FGF14: variants seen among roughly 807,000 people sequenced by gnomAD.
FGF14 encodes fibroblast growth factor 14, also known as fibroblast growth factor homologous factor 4.
In FGF14, 5 loss-of-function variants were observed where a neutral mutation model predicts 25.5. The observed-to-expected ratio is 0.20, with a 90% CI of 0.10 to 0.41. FGF14 has a LOEUF of 0.41. Among genes scored for constraint, FGF14 ranks in the 10% least tolerant of loss-of-function variants. FGF14 has a pLI of 1.00. For missense variants in FGF14, 222 were observed against 320.1 expected (o/e 0.69, Z 2.34); for synonymous variants, 138 against 118.3 (o/e 1.17, Z -1.08).
intron 1 of FGF14, among the ~76,000 whole-genome samples, chr13:102,318,847 T>C (rs910665763): frequency 1.3e-5 from 2 of 152,162 alleles, no homozygotes; most frequent in Non-Finnish European, 2.9e-5. Flanking sequence ...TACCTGTAGA[T>C]CATCTGAGAC....
intron 3 of FGF14, among the ~76,000 whole-genome samples, chr13:101,832,363 G>A (rs998670722): frequency 6.6e-6 from 1 of 152,194 alleles, no homozygotes. Context: ...AGTGTCTGCT[G>A]TTTTAAGCCA....
At chr13:101,886,825 A>T (rs1375893119) in intron 1 of FGF14, among the ~76,000 whole-genome samples, 1 of 152,202 alleles carries the variant, frequency 6.6e-6, no homozygotes, top group African/African-American at 2.4e-5. Flanking sequence ...AGAATATATA[A>T]GAAACTTGAA....
chr13:101,788,965 G>GC (rs1167975384), intron 3 of FGF14, among the ~76,000 whole-genome samples: 1 of 80,606 alleles, frequency 1.2e-5, no homozygotes, highest in Non-Finnish European at 2.8e-5. Flanking sequence ...GAGAGAGAGA[G>GC]AGAGACAGAG....
At chr13:102,130,742 T>A (rs1377824886) in intron 1 of FGF14, among the ~76,000 whole-genome samples, 1 of 152,098 alleles carries the variant, frequency 6.6e-6, no homozygotes, top group Non-Finnish European at 1.5e-5. Context: ...AAACATCACA[T>A]CCACCTGTCT....
chr13:101,745,806 G>T (rs1050912699), intron 3 of FGF14, among the ~76,000 whole-genome samples: 2 of 151,940 alleles, frequency 1.3e-5, no homozygotes, highest in Admixed American at 1.3e-4. Flanking sequence ...GAGTGTAGGT[G>T]GGTTTCATGG....
chr13:102,007,218 G>A (rs998991261), intron 1 of FGF14, among the ~76,000 whole-genome samples: 2 of 152,186 alleles, frequency 1.3e-5, no homozygotes, highest in African/African-American at 4.8e-5. Context: ...AAAAGGAAAG[G>A]AAGTAGTTGT....
At position 102,102,281 on chromosome 13, in the gene FGF14, A is replaced by G. The variant is rs1346504067; in HGVS notation, c.209-226985T>C. 3.9e-5 allele frequency among the ~76,000 whole-genome samples: 6 copies of G among 152,234 alleles called. No homozygotes were observed. The East Asian group carries it at 1.2e-3, about 29-fold the overall frequency. ...GGCAGTTTCTTGTCGAAAGTCACCA[A>G]GAAATCATGAGTTTAGAAGTGGGTT... is the stretch of plus-strand genomic sequence containing the variant. On this transcript the variant is annotated intron_variant, in intron 1 of 4. Coordinates refer to the FGF14 transcript ENST00000376131.
At chr13:102,152,311 T>C (rs956503182) in intron 1 of FGF14, among the ~76,000 whole-genome samples, 5 of 152,164 alleles carry the variant, frequency 3.3e-5, no homozygotes, top group African/African-American at 1.2e-4. Context: ...GTACCACAGA[T>C]TGGGTTGCTT....
At chr13:101,859,672 C>T (rs984506971) in intron 3 of FGF14, among the ~76,000 whole-genome samples, 4 of 151,960 alleles carry the variant, frequency 2.6e-5, no homozygotes, top group East Asian at 1.9e-4. Context: ...TTAAGTAGGT[C>T]GTATGGTTTT....
intron 1 of FGF14, among the ~76,000 whole-genome samples, chr13:102,055,326 T>A (rs2042382041): frequency 6.6e-6 from 1 of 152,238 alleles, no homozygotes; most frequent in Non-Finnish European, 1.5e-5. Context: ...ATGACTCAAA[T>A]AAATTTCATC....
chr13:101,767,776 G>A (rs946218409), intron 3 of FGF14, among the ~76,000 whole-genome samples: 1 of 151,980 alleles, frequency 6.6e-6, no homozygotes, highest in African/African-American at 2.4e-5. Flanking sequence ...TACCCTGTTG[G>A]GACAAAGCTC....
intron 1 of FGF14, among the ~76,000 whole-genome samples, chr13:102,011,269 C>T (rs1313699523): frequency 6.6e-6 from 1 of 152,168 alleles, no homozygotes; most frequent in African/African-American, 2.4e-5. Context: ...TCTCCTGGAG[C>T]TTCCAACAAA....
chr13:101,728,199 G>A (rs993118546), intron 3 of FGF14, among the ~76,000 whole-genome samples: 1 of 152,124 alleles, frequency 6.6e-6, no homozygotes, highest in Non-Finnish European at 1.5e-5. Context: ...AGAGCTAATA[G>A]TTTTCCAAGG....
rs556364264 is a variant in FGF14 at position 102,023,936 on chromosome 13, T to C, written c.209-148640A>G. ...AAGAATGTTGAAGGGAGAATAGTTG[T>C]GGTCCCACACCAAGATATTTTAATG... is the stretch of plus-strand genomic sequence containing the variant. On this transcript the variant is annotated intron_variant, in intron 1 of 4. Coordinates refer to the FGF14 transcript ENST00000376131. Among the ~76,000 whole-genome samples the C allele has an allele frequency of 2.0e-5, 3 of 152,184 alleles. No individual in the cohort carries two copies. In the South Asian group the frequency reaches 6.2e-4, roughly 32 times the overall value.
chr13:102,343,880 C>G (rs2057026911), intron 1 of FGF14, among the ~76,000 whole-genome samples: 1 of 152,156 alleles, frequency 6.6e-6, no homozygotes, highest in Non-Finnish European at 1.5e-5. Context: ...CCCCATCTTT[C>G]CCTGACTATA....
intron 1 of FGF14, among the ~76,000 whole-genome samples, chr13:102,098,735 A>G (rs2044521247): frequency 6.6e-6 from 1 of 152,166 alleles, no homozygotes; most frequent in Non-Finnish European, 1.5e-5. Flanking sequence ...CATTTTGGAG[A>G]GGACCTATCA....
chr13:102,176,679 T>A (rs1355097274), intron 1 of FGF14, among the ~76,000 whole-genome samples: 2 of 152,050 alleles, frequency 1.3e-5, no homozygotes, highest in African/African-American at 4.8e-5. Context: ...AATTAAAAAT[T>A]TGCTAAAAGG....
intron 1 of FGF14, among the ~76,000 whole-genome samples, chr13:102,092,235 T>C (rs2044197726): frequency 1.3e-5 from 2 of 152,212 alleles, no homozygotes; most frequent in African/African-American, 4.8e-5. Flanking sequence ...AAAATACACT[T>C]TGTGTTTTTA....
intron 1 of FGF14, among the ~76,000 whole-genome samples, chr13:102,084,841 T>C (rs2043814748): frequency 6.6e-6 from 1 of 152,138 alleles, no homozygotes; most frequent in South Asian, 2.1e-4. Flanking sequence ...CTTTGTTAAG[T>C]GAAATAATTG....
Sources: allele counts gnomAD v4.1 joint callset (sites outside exome capture counted in the v4.1 genomes callset), GRCh38; gene constraint gnomAD v4.1.1; transcripts MANE v1.5; gene names NCBI Gene and HGNC (gene_info 2026-07-23, HGNC 2026-07-21).